ASH1L: variants seen among roughly 807,000 people sequenced by gnomAD.
The protein encoded by ASH1L is ASH1 like histone lysine methyltransferase.
Under a neutral mutation model 269.0 loss-of-function variants are expected in ASH1L, and 23 were observed. That is an observed-to-expected ratio of 0.09 (90% CI 0.06 to 0.12). ASH1L has a LOEUF of 0.12. Among genes scored for constraint, ASH1L ranks in the 10% least tolerant of loss-of-function variants. The probability of loss-of-function intolerance (pLI) is 1.00; values close to 1 mark genes in which losing one functional copy is unlikely to be tolerated. For synonymous variants in ASH1L, 1,187 were observed against 1,253.5 expected (o/e 0.95, Z 1.12); for missense variants, 2,912 against 3,567.8 (o/e 0.82, Z 4.68).
At chr1:155,507,786 A>T (rs1226058444) in intron 2 of ASH1L, among the ~76,000 whole-genome samples, 1 of 152,180 alleles carries the variant, frequency 6.6e-6, no homozygotes, top group Non-Finnish European at 1.5e-5. Flanking sequence ...AGATGGGAGG[A>T]TCACCTAAGC....
intron 6 of ASH1L, among the ~76,000 whole-genome samples, chr1:155,406,380 C>T (rs1264269875): frequency 6.6e-6 from 1 of 152,098 alleles, no homozygotes; most frequent in Non-Finnish European, 1.5e-5. Context: ...TTGAAGGAAT[C>T]ACACTTTCTG....
intron 4 of ASH1L, among the ~76,000 whole-genome samples, chr1:155,449,313 T>C (rs889865352): frequency 6.6e-6 from 1 of 152,220 alleles, no homozygotes; most frequent in Non-Finnish European, 1.5e-5. Flanking sequence ...TTATGAATTA[T>C]TTAGAAGTGT....
intron 1 of ASH1L, among the ~76,000 whole-genome samples, chr1:155,551,771 C>T (rs1671232253): frequency 6.7e-6 from 1 of 149,210 alleles, no homozygotes; most frequent in Non-Finnish European, 1.5e-5. Flanking sequence ...AATTTAAGAC[C>T]AGCCTGGCCA....
rs1159466035 is a variant in ASH1L, at chr1:155,478,089, T to C, written c.4781A>G (p.Asn1594Ser). The stretch of plus-strand genomic sequence containing the variant: ...TTCATCACTGCTGGCTGGCTCAGAG[T>C]TGGGAGTGAATCCTCCAAGGGATAA... The part of the protein sequence containing the change: ...PSLSLGGFTP[N>S]SEPASSDEHT... Residue 1594 changes from asparagine (N) to serine (S), a missense_variant, in exon 3 of 28, where the codon AAC becomes AGC. Asn to Ser is a conservative substitution (Grantham distance 46). Transcript: ENST00000392403. The surrounding 1 kb of genome is among the most constrained non-coding windows in gnomAD (Gnocchi z 4.6). 4 of 1,614,040 alleles carry C rather than the reference T, an allele frequency of 2.5e-6. No homozygotes were observed. The South Asian group carries it at 3.3e-5, about 13-fold the overall frequency.
At chr1:155,433,356 G>T in intron 5 of ASH1L, 1 of 1,592,750 alleles carries the variant, frequency 6.3e-7, no homozygotes, top group Non-Finnish European at 8.5e-7. Context: ...GAGGTGTGGG[G>T]GATTCCCCCA....
rs1665857495 is a variant in ASH1L, at chr1:155,480,228, A to T, written c.2642T>A (p.Leu881Gln). Reference sequence around the variant, plus strand: ...CTTTTTTGGAAAAGGAGACACAGACAGACCTTGTTTGAAGGAAGGGATTTC... The same window carrying T: ...CTTTTTTGGAAAAGGAGACACAGACTGACCTTGTTTGAAGGAAGGGATTTC... The part of the protein sequence containing the change: ...EIEIPSFKQG[L>Q]SVSPFPKKRG... The change falls in exon 3 of 28, where the codon CTG becomes CAG. Residue 881 changes from leucine to glutamine, a missense_variant. Physicochemically the swap from Leu to Gln is moderately radical, Grantham distance 113. This residue lies in a region of ASH1L where 715 missense variants were observed against 721.0 expected (regional missense o/e 0.99). Coordinates refer to ENST00000392403, the MANE Select transcript of ASH1L (RefSeq NM_018489.3). The T allele has an allele frequency of 1.2e-6, 2 of 1,614,074 alleles. No homozygotes were observed. Among genetic ancestry groups the T allele is most frequent in the African/African-American group, 1.3e-5 (1 of 74,936 alleles).
rs184207439 is a variant in ASH1L, at chr1:155,508,909, T to C, written c.420+12191A>G. ...ATCAAGTCATGCGCTAGGGGCAAAATAGAGACCCCAGGAAAGGTGTCAGTA... is the reference window on the plus strand; with the variant it reads ...ATCAAGTCATGCGCTAGGGGCAAAACAGAGACCCCAGGAAAGGTGTCAGTA... On this transcript the variant is annotated intron_variant, in intron 2 of 27. Transcript: ENST00000392403. 2.0e-5 allele frequency among the ~76,000 whole-genome samples: 3 copies of C among 152,028 alleles called. No homozygotes were observed. In the East Asian group the frequency reaches 5.8e-4, roughly 29 times the overall value.
At chr1:155,466,500 TTTCTTTCATCTC>T (rs1176698264) in intron 3 of ASH1L, among the ~76,000 whole-genome samples, 2 of 152,214 alleles carry the variant, frequency 1.3e-5, no homozygotes, top group East Asian at 3.8e-4. Context: ...CACAAACAAT[TTTCTTTCATCTC>T]TGTAGGTTCA....
At chr1:155,500,511 C>T (rs548125423) in intron 2 of ASH1L, among the ~76,000 whole-genome samples, 1 of 151,966 alleles carries the variant, frequency 6.6e-6, no homozygotes, top group Non-Finnish European at 1.5e-5. Context: ...GAAGTGAAAA[C>T]GCAGCAGTCA....
intron 7 of ASH1L, among the ~76,000 whole-genome samples, chr1:155,381,169 A>G (rs1010109090): frequency 2.0e-5 from 3 of 152,202 alleles, no homozygotes; most frequent in African/African-American, 7.2e-5. Context: ...TAGGTATAAT[A>G]CATAATACTT....
At chr1:155,553,848 G>A (rs1671387301) in intron 1 of ASH1L, among the ~76,000 whole-genome samples, 1 of 151,260 alleles carries the variant, frequency 6.6e-6, no homozygotes, top group African/African-American at 2.4e-5. Flanking sequence ...CCAGGCAGGA[G>A]TGCAGTGGCA....
At position 155,395,493 on chromosome 1, in the gene ASH1L, A is replaced by G; in HGVS notation, c.6069T>C (p.His2023=). ...KEKLEYTPGE[H]EYGLFPAPIH... ...TGGGCGCTGGAAATAATCCATATTC[A>G]TGCTCTCCTGGAGTATACTCCAGCT... Residue 2023 remains histidine, a synonymous_variant, in exon 7 of 28, where the codon CAT becomes CAC. Transcript: ENST00000392403. The G allele has an allele frequency of 1.2e-6, 2 of 1,611,472 alleles. No homozygotes were observed. Among genetic ancestry groups the G allele is most frequent in the Non-Finnish European group, 1.7e-6 (2 of 1,178,898 alleles).
At chr1:155,419,221 C>G (rs148790499) in intron 5 of ASH1L, among the ~76,000 whole-genome samples, 3,399 of 151,818 alleles carry the variant, frequency 0.022, 116 homozygotes, top group African/African-American at 0.078. Flanking sequence ...GGCAACATAG[C>G]AAGACCCATT....
chr1:155,506,252 C>T lies in ASH1L; in HGVS notation c.420+14848G>A, dbSNP rs201205898. On this transcript the variant is annotated intron_variant, in intron 2 of 27. Transcript: ENST00000392403. The stretch of plus-strand genomic sequence containing the variant: ...TCTAACAAATACAAAGGAAAAAAAT[C>T]CAAAACCTAGGTAATGTCATACCAA... 2.0e-5 allele frequency among the ~76,000 whole-genome samples: 3 copies of T among 152,120 alleles called. No homozygotes were observed. In the East Asian group the frequency reaches 5.8e-4, roughly 29 times the overall value.
At chr1:155,514,473 G>A (rs548170077) in intron 2 of ASH1L, among the ~76,000 whole-genome samples, 3 of 151,904 alleles carry the variant, frequency 2.0e-5, no homozygotes, top group Non-Finnish European at 4.4e-5. Flanking sequence ...TCTTAAATGT[G>A]GTTATGTTAT....
intron 3 of ASH1L, among the ~76,000 whole-genome samples, chr1:155,460,762 T>C (rs1419024921): frequency 6.6e-6 from 1 of 152,216 alleles, no homozygotes; most frequent in Non-Finnish European, 1.5e-5. Context: ...CTTTTAAAGC[T>C]GTACACTTAA....
intron 2 of ASH1L, among the ~76,000 whole-genome samples, chr1:155,510,509 C>G (rs1007904977): frequency 6.7e-6 from 1 of 149,804 alleles, no homozygotes; most frequent in African/African-American, 2.5e-5. Flanking sequence ...TTAGTATATA[C>G]TATTTAATAG....
intron 3 of ASH1L, among the ~76,000 whole-genome samples, chr1:155,461,452 A>G (rs1051447495): frequency 2.0e-5 from 3 of 152,174 alleles, no homozygotes; most frequent in Non-Finnish European, 4.4e-5. Flanking sequence ...ACTGATGTAG[A>G]CCTATTCAAG....
At chr1:155,532,589 G>A (rs1467944427) in intron 1 of ASH1L, among the ~76,000 whole-genome samples, 2 of 152,006 alleles carry the variant, frequency 1.3e-5, no homozygotes, top group African/African-American at 4.8e-5. Flanking sequence ...TTGGGAGGCT[G>A]AGGCGAGTGG....
Sources: allele counts gnomAD v4.1 joint callset (sites outside exome capture counted in the v4.1 genomes callset), GRCh38; gene constraint gnomAD v4.1.1; regional missense constraint gnomAD v4.1.1; non-coding constraint Gnocchi (gnomAD v3.1); transcripts MANE v1.5; gene names NCBI Gene and HGNC (gene_info 2026-07-23, HGNC 2026-07-21).